Variants in AGAP1 observed in about 807,000 individuals in gnomAD.
AGAP1 encodes the protein arf-GAP with GTPase, ANK repeat and PH domain-containing protein 1.
Under a neutral mutation model 105.3 loss-of-function variants are expected in AGAP1, and 29 were observed. The ratio of observed to expected loss-of-function variants is 0.28; its 90% CI spans 0.21 to 0.38. AGAP1 has a LOEUF of 0.38. Among genes scored for constraint, AGAP1 ranks in the 10% least tolerant of loss-of-function variants. The pLI is 1.00. For missense variants in AGAP1, 998 were observed against 1,165.1 expected (o/e 0.86, Z 2.09); for synonymous variants, 509 against 485.9 (o/e 1.05, Z -0.63).
intron 16 of AGAP1, among the ~76,000 whole-genome samples, chr2:236,079,568 A>G (rs1392358766): frequency 2.0e-5 from 3 of 151,344 alleles, no homozygotes; most frequent in Admixed American, 1.3e-4. Flanking sequence ...ACACACACAC[A>G]CATACATACA....
At chr2:235,853,166 A>G in intron 9 of AGAP1, 2 of 1,118,556 alleles carry the variant, frequency 1.8e-6, no homozygotes, top group Non-Finnish European at 1.1e-6. Context: ...GGGTACAAGC[A>G]GTGGTAGAAA....
chr2:235,523,983 C>T (rs1233111542), intron 1 of AGAP1, among the ~76,000 whole-genome samples: 4 of 151,870 alleles, frequency 2.6e-5, no homozygotes, highest in African/African-American at 9.7e-5. Flanking sequence ...GTTGAATGGC[C>T]CACTCACCAC....
chr2:235,958,102 T>C lies in AGAP1; in HGVS notation c.1484-10360T>C, dbSNP rs2054023741. Among the ~76,000 whole-genome samples, 1 of 152,204 alleles carries C rather than the reference T, an allele frequency of 6.6e-6. No individual in the cohort carries two copies. Among genetic ancestry groups the C allele is most frequent in the Non-Finnish European group, 1.5e-5 (1 of 68,028 alleles). On this transcript the variant is annotated intron_variant, in intron 12 of 17. Transcript: ENST00000304032. This position sits in a 1 kb window ranked among gnomAD's most constrained non-coding sequence, Gnocchi z 4.1. ...ATGCATGCTTCTTATGAACATGTTT[T>C]AAAGCATTTTGTATCTTTAATCAAC...
Position 235,934,790 on chromosome 2 carries a change from T to A in AGAP1, c.1483+3867T>A, listed in dbSNP as rs1575819481. Reference sequence around the variant, plus strand: ...TGAATGGGGAGAGCCTAAGCAGCTTTGGAATACAGACGCCCGTGTTGGCAA... The same window carrying A: ...TGAATGGGGAGAGCCTAAGCAGCTTAGGAATACAGACGCCCGTGTTGGCAA... On this transcript the variant is annotated intron_variant, in intron 12 of 17. Transcript: ENST00000304032. This position sits in a 1 kb window ranked among gnomAD's most constrained non-coding sequence, Gnocchi z 4.9. Among the ~76,000 whole-genome samples the A allele has an allele frequency of 6.6e-6, 1 of 152,304 alleles. No homozygotes were observed. The highest frequency in any genetic ancestry group is 1.9e-4 in the East Asian group (1 of 5,182).
chr2:235,826,426 A>G (rs1294698988), intron 9 of AGAP1, among the ~76,000 whole-genome samples: 1 of 151,762 alleles, frequency 6.6e-6, no homozygotes, highest in African/African-American at 2.4e-5. Flanking sequence ...CGTTTCACAT[A>G]TCTTTTTTTT....
At chr2:235,512,577 G>A (rs1257708000) in intron 1 of AGAP1, among the ~76,000 whole-genome samples, 1 of 152,184 alleles carries the variant, frequency 6.6e-6, no homozygotes, top group Non-Finnish European at 1.5e-5. Context: ...CTGGGCAACA[G>A]AGTGAGACCC....
At chr2:235,681,118 C>T (rs1348119551) in intron 1 of AGAP1, among the ~76,000 whole-genome samples, 1 of 152,186 alleles carries the variant, frequency 6.6e-6, no homozygotes, top group African/African-American at 2.4e-5. Flanking sequence ...ACACCGTTCT[C>T]CTGCCTCAGC....
chr2:236,048,507 A>G (rs13407878), intron 15 of AGAP1, among the ~76,000 whole-genome samples: 11,791 of 152,270 alleles, frequency 0.077, 1,503 homozygotes, highest in African/African-American at 0.27. Flanking sequence ...GATCACTGAA[A>G]ACGATATTTC....
At chr2:236,071,130 C>G (rs571030149) in intron 16 of AGAP1, among the ~76,000 whole-genome samples, 1 of 152,238 alleles carries the variant, frequency 6.6e-6, no homozygotes, top group African/African-American at 2.4e-5. Context: ...CCTGCCCAGT[C>G]GGGCTTGGAG....
intron 16 of AGAP1, among the ~76,000 whole-genome samples, chr2:236,103,980 C>A (rs1446803075): frequency 6.6e-6 from 1 of 152,266 alleles, no homozygotes; most frequent in Non-Finnish European, 1.5e-5. Context: ...AACCGCCTTA[C>A]GTCCTTACTA....
At chr2:235,881,325 A>G (rs1390652900) in intron 9 of AGAP1, among the ~76,000 whole-genome samples, 4 of 152,158 alleles carry the variant, frequency 2.6e-5, no homozygotes, top group Admixed American at 6.5e-5. Flanking sequence ...AGGCTGGGAA[A>G]AGTTCTGAAG....
Position 235,908,632 on chromosome 2 carries a change from G to A in AGAP1, c.1156-106G>A. 2 of 999,638 alleles carry A rather than the reference G, an allele frequency of 2.0e-6. No individual in the cohort carries two copies. The highest frequency in any genetic ancestry group is 2.9e-6 in the Non-Finnish European group (2 of 683,834). The allele number at this position is 999,638 out of a possible 1,614,324, so 61.9% of individuals were successfully genotyped here. A position where few individuals can be genotyped will look rare whatever the true frequency, so the allele number is the denominator to read the frequency against. On this transcript the variant is annotated intron_variant, in intron 10 of 17. Transcript: ENST00000304032. This position sits in a 1 kb window ranked among gnomAD's most constrained non-coding sequence, Gnocchi z 4.4. ...TTTAAAGTACTTTCCACAGTGGAAG[G>A]GTCATAGGGTTTTAACTCATGACGT...
intron 9 of AGAP1, among the ~76,000 whole-genome samples, chr2:235,808,969 C>T (rs1463568050): frequency 1.3e-5 from 2 of 152,056 alleles, no homozygotes; most frequent in Non-Finnish European, 2.9e-5. Flanking sequence ...CCACTGATAC[C>T]TTTTTCAACT....
rs538589720 is a variant in AGAP1 at position 235,582,723 on chromosome 2, A to T, written c.163+87874A>T. Among the ~76,000 whole-genome samples, 2 of 152,330 alleles carry T rather than the reference A, an allele frequency of 1.3e-5. No individual in the cohort carries two copies. Among genetic ancestry groups the T allele is most frequent in the African/African-American group, 4.8e-5 (2 of 41,582 alleles). On this transcript the variant is annotated intron_variant, in intron 1 of 17. Coordinates refer to ENST00000304032, the MANE Select transcript of AGAP1 (RefSeq NM_001037131.3). The surrounding 1 kb of genome is among the most constrained non-coding windows in gnomAD (Gnocchi z 4.7). ...AAGGAGCCTGGGAGAAGTCAGAGAG[A>T]GGGGGCTCGTGGTCCTTCTTGGGCT...
chr2:235,720,770 G>T lies in AGAP1; in HGVS notation c.310+3126G>T. ...CGTGGCTGGGATATGTAGACTGCTG[G>T]GAGGGGTGAGGGTGAGGGCCTTCCT... is the stretch of plus-strand genomic sequence containing the variant. On this transcript the variant is annotated intron_variant, in intron 3 of 17. Transcript: ENST00000304032. The surrounding 1 kb of genome is among the most constrained non-coding windows in gnomAD (Gnocchi z 5.0). 16 of 944,806 alleles carry T rather than the reference G, an allele frequency of 1.7e-5. No individual in the cohort carries two copies. The highest frequency in any genetic ancestry group is 2.0e-5 in the Non-Finnish European group (16 of 793,150). The allele number at this position is 944,806 out of a possible 1,614,324, so 58.5% of individuals were successfully genotyped here. A position where few individuals can be genotyped will look rare whatever the true frequency, so the allele number is the denominator to read the frequency against.
chr2:236,046,426 CA>C lies in AGAP1; in HGVS notation c.1892-2632del, dbSNP rs1253153994. On this transcript the variant is annotated intron_variant, in intron 15 of 17. Coordinates refer to ENST00000304032, the MANE Select transcript of AGAP1 (RefSeq NM_001037131.3). This position sits in a 1 kb window ranked among gnomAD's most constrained non-coding sequence, Gnocchi z 5.2. ...ATGCTGGTGAGGACGCCCATGGGAGCATAAGTTCGAGAAGAAAGCGTTGGAC... is the reference window on the plus strand; with the variant it reads ...ATGCTGGTGAGGACGCCCATGGGAGCTAAGTTCGAGAAGAAAGCGTTGGAC... Among the ~76,000 whole-genome samples the C allele has an allele frequency of 6.6e-6, 1 of 152,108 alleles. No homozygotes were observed. Among genetic ancestry groups the C allele is most frequent in the Non-Finnish European group, 1.5e-5 (1 of 68,026 alleles).
rs1421190108 is a variant in AGAP1 at position 235,830,690 on chromosome 2, C to G, written c.1050+23359C>G. 6.6e-6 allele frequency among the ~76,000 whole-genome samples: 1 copy of G among 152,052 alleles called. No homozygotes were observed. Among genetic ancestry groups the G allele is most frequent in the Non-Finnish European group, 1.5e-5 (1 of 68,012 alleles). On this transcript the variant is annotated intron_variant, in intron 9 of 17. Transcript: ENST00000304032. This position sits in a 1 kb window ranked among gnomAD's most constrained non-coding sequence, Gnocchi z 5.5. ...TTCTAGGCCAGCCCAGGACGGTGTG[C>G]GGCCCCAAGCCACTAACACAGCACT...
intron 13 of AGAP1, among the ~76,000 whole-genome samples, chr2:235,997,700 C>T (rs952032473): frequency 2.6e-5 from 4 of 152,122 alleles, no homozygotes; most frequent in Admixed American, 6.5e-5. Context: ...CAGCGCAGTC[C>T]GTCTCCAGAA....
chr2:235,930,354 T>G lies in AGAP1; in HGVS notation c.1325-411T>G, dbSNP rs1171167875. Among the ~76,000 whole-genome samples, 1 of 152,198 alleles carries G rather than the reference T, an allele frequency of 6.6e-6. No individual in the cohort carries two copies. The highest frequency in any genetic ancestry group is 2.4e-5 in the African/African-American group (1 of 41,456). On this transcript the variant is annotated intron_variant, in intron 11 of 17. Transcript: ENST00000304032. The surrounding 1 kb of genome is among the most constrained non-coding windows in gnomAD (Gnocchi z 7.9). Reference sequence around the variant, plus strand: ...CAGTTGACTCTCAATGGGTGATCATTTTCTGTTCCATTGGTAGGGTGACAT... The same window carrying G: ...CAGTTGACTCTCAATGGGTGATCATGTTCTGTTCCATTGGTAGGGTGACAT...
Sources: gnomAD v4.1 joint callset for allele counts (sites outside exome capture counted in the v4.1 genomes callset) on GRCh38, gnomAD v4.1.1 for gene constraint, Gnocchi (gnomAD v3.1) non-coding constraint, MANE v1.5 for transcripts, NCBI Gene and HGNC (gene_info 2026-07-23, HGNC 2026-07-21) for gene names.